DNAH17: variants seen among roughly 807,000 people sequenced by gnomAD.
DNAH17 encodes the protein axonemal beta dynein heavy chain 17.
A neutral mutation model predicts 485.6 loss-of-function variants in DNAH17; 376 were observed. That is an observed-to-expected ratio of 0.77 (90% CI 0.71 to 0.84). DNAH17 has a LOEUF of 0.84. Among genes scored for constraint, DNAH17 ranks in the 40% least tolerant of loss-of-function variants. The probability of loss-of-function intolerance (pLI) is 0.00; values close to 1 mark genes in which losing one functional copy is unlikely to be tolerated. For synonymous variants in DNAH17, 3,031 were observed against 2,405.9 expected, an observed-to-expected ratio of 1.26 and a Z score of -7.60; for missense variants, 6,370 against 5,839.3, an observed-to-expected ratio of 1.09 and a Z score of -2.96.
chr17:78,458,657 G>A lies in DNAH17; in HGVS notation c.9885C>T (p.Asn3295=). ...TTGCTTTTTCAAACGCTGAGGTTAG[G>A]TTGCTCAGGTTGGCGTTAAGTTCCT... ...KIAELNANLS[N]LTSAFEKATA... The change falls in exon 62 of 81, where the codon AAC becomes AAT. Residue 3295 remains asparagine, a synonymous_variant. Transcript: ENST00000389840. 6.2e-7 allele frequency: 1 copy of A among 1,614,058 alleles called. No individual in the cohort carries two copies. The highest frequency in any genetic ancestry group is 8.5e-7 in the Non-Finnish European group (1 of 1,179,896).
chr17:78,433,991 G>C (rs372432024), intron 75 of DNAH17, 38 bp downstream of exon 75: 2 of 1,517,622 alleles, frequency 1.3e-6, no homozygotes, highest in African/African-American at 2.8e-5. Flanking sequence ...GAAAGAGGGA[G>C]GGATATGTCC....
At chr17:78,458,240 C>A (rs1259835153) in intron 62 of DNAH17, among the ~76,000 whole-genome samples, 1 of 152,224 alleles carries the variant, frequency 6.6e-6, no homozygotes, top group Non-Finnish European at 1.5e-5. Context: ...AATGACTGTC[C>A]ACTGGCTGCG....
chr17:78,424,106 T>A lies in DNAH17; in HGVS notation c.13189A>T (p.Lys4397Ter), dbSNP rs374800528. The A allele has an allele frequency of 2.5e-6, 4 of 1,613,684 alleles. No individual in the cohort carries two copies. The highest frequency in any genetic ancestry group is 3.4e-6 in the Non-Finnish European group (4 of 1,179,876). Residue 4397 changes from lysine (K) to a stop codon, truncating the protein, a stop_gained, in exon 81 of 81, where the codon AAA (lysine) becomes TAA (stop). Transcript: ENST00000389840. LOFTEE classifies it high-confidence loss of function. ...QTGVIAEARL[K>*]ELTPAMPVIF... The stretch of plus-strand genomic sequence containing the variant: ...ACAGGCATGGCCGGGGTCAGCTCTT[T>A]CAGCCGCGCTTCAGCGATGACTCCA...
At position 78,468,842 on chromosome 17, in the gene DNAH17, G is replaced by A. The variant is rs750368737; in HGVS notation, c.8553C>T (p.Asn2851=). ...AAQYIKAAVK[N]VPSVFLMTDS... The stretch of plus-strand genomic sequence containing the variant: ...CTGTCATCAGGAACACCGAGGGAAC[G>A]TTCTTCACGGCAGCCTTTATGTACT... The change falls in exon 55 of 81, where the codon AAC becomes AAT. Residue 2851 remains asparagine, a synonymous_variant. Coordinates refer to ENST00000389840, the MANE Select transcript of DNAH17 (RefSeq NM_173628.4). 1.1e-5 allele frequency: 18 copies of A among 1,613,974 alleles called. 1 individual carries two copies. Among genetic ancestry groups the A allele is most frequent in the African/African-American group, 1.3e-5 (1 of 75,064 alleles).
chr17:78,518,950 CAA>C, intron 25 of DNAH17, among the ~76,000 whole-genome samples: 1 of 152,084 alleles, frequency 6.6e-6, no homozygotes, highest in South Asian at 2.1e-4. Context: ...GGGCTGATCA[CAA>C]GGTCAGGAGA....
At chr17:78,426,812 G>T in intron 78 of DNAH17, 114 bp downstream of exon 78, 1 of 1,352,072 alleles carries the variant, frequency 7.4e-7, no homozygotes, top group Non-Finnish European at 1.0e-6. Flanking sequence ...TCTGGAGAGG[G>T]AGCAGTACCA....
chr17:78,543,115 GTT>G (rs1303030867), intron 17 of DNAH17, among the ~76,000 whole-genome samples: 2 of 31,246 alleles, frequency 6.4e-5, no homozygotes, highest in East Asian at 6.2e-3. Context: ...AAGATCATAG[GTT>G]TTGTTTTGTT....
At chr17:78,444,470 T>C in intron 71 of DNAH17, 134 bp downstream of exon 71, 2 of 815,156 alleles carry the variant, frequency 2.5e-6, no homozygotes, top group Non-Finnish European at 1.8e-6. Context: ...GTTTCGTTTC[T>C]GTGTAAAATG....
intron 54 of DNAH17, among the ~76,000 whole-genome samples, chr17:78,471,107 G>A (rs2088728714): frequency 6.6e-6 from 1 of 151,994 alleles, no homozygotes. Flanking sequence ...AAGACCTATG[G>A]GCTTCTGTAC....
At chr17:78,449,683 G>T (rs2087464237) in intron 68 of DNAH17, 99 bp from the exon 69 acceptor site, 1 of 1,290,702 alleles carries the variant, frequency 7.7e-7, no homozygotes, top group Admixed American at 2.4e-5. Flanking sequence ...CCTCCAGTTT[G>T]TTTTGTTTCT....
At position 78,494,040 on chromosome 17, in the gene DNAH17, G is replaced by C; in HGVS notation, c.6404C>G (p.Ser2135Cys). ...FIVGNAGSGK[S>C]QVLKSLNKTY... ...TCCCTGGAGCGGGTGACACACCTGAGATTTGCCGCTGCCCGCATTCCCGAC... is the reference window on the plus strand; with the variant it reads ...TCCCTGGAGCGGGTGACACACCTGACATTTGCCGCTGCCCGCATTCCCGAC... The change falls in exon 41 of 81, where the codon TCT becomes TGT. Residue 2135 changes from serine (S) to cysteine (C), a missense_variant. Transcript: ENST00000389840. 1 of 1,612,114 alleles carries C rather than the reference G, an allele frequency of 6.2e-7. No homozygotes were observed. The highest frequency in any genetic ancestry group is 8.5e-7 in the Non-Finnish European group (1 of 1,179,560).
chr17:78,569,470 C>A lies in DNAH17; in HGVS notation c.1102G>T (p.Glu368Ter). The A allele has an allele frequency of 6.2e-7, 1 of 1,611,548 alleles. No homozygotes were observed. Among genetic ancestry groups the A allele is most frequent in the Admixed American group, 1.7e-5 (1 of 59,614 alleles). Residue 368 changes from glutamate to a stop codon, truncating the protein, a stop_gained, in exon 8 of 81, where the codon GAA (glutamate) becomes TAA (stop). Coordinates refer to ENST00000389840, the MANE Select transcript of DNAH17 (RefSeq NM_173628.4). LOFTEE classifies it high-confidence loss of function. Reference protein sequence around the residue: ...VLKGLQGEIEEVLSGISLAVN... With the variant: ...VLKGLQGEIE ...GCCAGGGAGATGCCACTCAGGACTT[C>A]CTCGATTTCACCTTGCAGGCCCTTC... is the stretch of plus-strand genomic sequence containing the variant.
chr17:78,541,476 G>A (rs144409886), intron 17 of DNAH17, among the ~76,000 whole-genome samples: 64 of 151,820 alleles, frequency 4.2e-4, no homozygotes, highest in African/African-American at 1.4e-3. Context: ...ATTTCACTCA[G>A]TCTATACCCT....
chr17:78,530,191 C>T (rs143590951), intron 21 of DNAH17, among the ~76,000 whole-genome samples, 152 bp downstream of exon 21: 30 of 152,360 alleles, frequency 2.0e-4, no homozygotes, highest in African/African-American at 2.6e-4. Flanking sequence ...TTTCTGCTCA[C>T]GCTTGGTGGG....
intron 54 of DNAH17, among the ~76,000 whole-genome samples, chr17:78,470,639 A>C (rs2088705505): frequency 6.6e-6 from 1 of 152,162 alleles, no homozygotes; most frequent in South Asian, 2.1e-4. Flanking sequence ...CAGTGAGCCG[A>C]TATTGTGCCA....
chr17:78,447,391 TGG>T (rs1416055912), intron 69 of DNAH17, among the ~76,000 whole-genome samples: 1 of 152,222 alleles, frequency 6.6e-6, no homozygotes, highest in Non-Finnish European at 1.5e-5. Context: ...GCCGGCCCTC[TGG>T]ACCTCCTGTG....
At chr17:78,444,255 C>A (rs1445582396) in intron 71 of DNAH17, among the ~76,000 whole-genome samples, 2 of 152,140 alleles carry the variant, frequency 1.3e-5, no homozygotes. Context: ...ATGTAGGAGG[C>A]TCATGTGGGG....
intron 47 of DNAH17, 200 bp from the exon 48 acceptor site, chr17:78,485,233 G>T: frequency 1.4e-6 from 1 of 699,648 alleles, no homozygotes; most frequent in African/African-American, 1.8e-5. Context: ...GCGATCAGAG[G>T]CGAGGGTGGC....
At position 78,514,993 on chromosome 17, in the gene DNAH17, G is replaced by A. The variant is rs1400744828; in HGVS notation, c.3894C>T (p.Thr1298=). 6.2e-7 allele frequency: 1 copy of A among 1,613,992 alleles called. No individual in the cohort carries two copies. The highest frequency in any genetic ancestry group is 1.3e-5 in the African/African-American group (1 of 75,054). The change falls in exon 26 of 81, where the codon ACC becomes ACT. Residue 1298 remains threonine (T), a synonymous_variant. Transcript: ENST00000389840. ...CAACGTTGATATCTTTCCACTTGGTGGTCTTCCAGTCCTCGATGCTGGTAT... is the reference window on the plus strand; with the variant it reads ...CAACGTTGATATCTTTCCACTTGGTAGTCTTCCAGTCCTCGATGCTGGTAT... ...VVNTSIEDWK[T]TKWKDINVEQ... is the part of the protein sequence containing the mutation.
Sources: gnomAD v4.1 joint callset for allele counts (sites outside exome capture counted in the v4.1 genomes callset) on GRCh38, gnomAD v4.1.1 for gene constraint, MANE v1.5 for transcripts, NCBI Gene and HGNC (gene_info 2026-07-23, HGNC 2026-07-21) for gene names.